KIRREL3: variants seen among roughly 807,000 people sequenced by gnomAD.
KIRREL3 encodes the protein kirre like nephrin family adhesion molecule 3.
A neutral mutation model predicts 89.7 loss-of-function variants in KIRREL3; 36 were observed. That is an observed-to-expected ratio of 0.40 (90% CI 0.31 to 0.53). The LOEUF is 0.53. Among genes scored for constraint, KIRREL3 ranks in the 20% least tolerant of loss-of-function variants. The probability of loss-of-function intolerance (pLI) is 0.49; values close to 1 mark genes in which losing one functional copy is unlikely to be tolerated. For synonymous variants in KIRREL3, 445 were observed against 441.4 expected (o/e 1.01, Z -0.10); for missense variants, 864 against 1,056.6 (o/e 0.82, Z 2.53).
At chr11:126,803,374 G>T (rs1951101652) in intron 1 of KIRREL3, among the ~76,000 whole-genome samples, 1 of 152,164 alleles carries the variant, frequency 6.6e-6, no homozygotes, top group Non-Finnish European at 1.5e-5. Flanking sequence ...AGCAAGGTAT[G>T]AGAGGTGCAT....
chr11:126,603,861 A>G (rs977922217), intron 1 of KIRREL3, among the ~76,000 whole-genome samples: 4 of 152,182 alleles, frequency 2.6e-5, no homozygotes, highest in African/African-American at 9.7e-5. Flanking sequence ...TCCCCGATAC[A>G]AGGCTTTTTA....
rs1949224184 is a variant in KIRREL3, at chr11:126,748,418, C to T, written c.56-185506G>A. 6.6e-6 allele frequency among the ~76,000 whole-genome samples: 1 copy of T among 152,192 alleles called. No homozygotes were observed. Among genetic ancestry groups the T allele is most frequent in the East Asian group, 1.9e-4 (1 of 5,198 alleles). ...CATCTGCAAAACCCCAGACTCAGGC[C>T]CCAAAAGGTTATTTCATCAATAATT... On this transcript the variant is annotated intron_variant, in intron 1 of 16. Transcript: ENST00000525144. This position sits in a 1 kb window ranked among gnomAD's most constrained non-coding sequence, Gnocchi z 4.6.
At chr11:126,633,620 A>G (rs1218141464) in intron 1 of KIRREL3, among the ~76,000 whole-genome samples, 1 of 152,152 alleles carries the variant, frequency 6.6e-6, no homozygotes, top group African/African-American at 2.4e-5. Context: ...AAGATTCCTG[A>G]AGCCCTCACC....
At chr11:126,472,904 G>C (rs1956938964) in intron 5 of KIRREL3, among the ~76,000 whole-genome samples, 1 of 149,766 alleles carries the variant, frequency 6.7e-6, no homozygotes, top group Non-Finnish European at 1.5e-5. Flanking sequence ...AGGGCAGCTG[G>C]TTCCCTCCCC....
In KIRREL3 at chr11:126,682,868, T is replaced by C. The variant is rs150198380; in HGVS notation, c.56-119956A>G. Among the ~76,000 whole-genome samples, 471 of 152,294 alleles carry C rather than the reference T, an allele frequency of 3.1e-3. 2 individuals are homozygous for C. Among genetic ancestry groups the C allele is most frequent in the Non-Finnish European group, 5.3e-3 (363 of 68,020 alleles). On this transcript the variant is annotated intron_variant, in intron 1 of 16. Transcript: ENST00000525144. This position sits in a 1 kb window ranked among gnomAD's most constrained non-coding sequence, Gnocchi z 4.8. ...AGGCTGAGGACCGGTACCCCGGGGC[T>C]GGGGATCCCTGTTCTATGAGGATAG...
At position 126,955,292 on chromosome 11, in the gene KIRREL3, G is replaced by T. The variant is rs1948889381; in HGVS notation, c.55+45163C>A. 6.6e-6 allele frequency among the ~76,000 whole-genome samples: 1 copy of T among 152,248 alleles called. No homozygotes were observed. Among genetic ancestry groups the T allele is most frequent in the African/African-American group, 2.4e-5 (1 of 41,472 alleles). On this transcript the variant is annotated intron_variant, in intron 1 of 16. Coordinates refer to ENST00000525144, the MANE Select transcript of KIRREL3 (RefSeq NM_032531.4). This position sits in a 1 kb window ranked among gnomAD's most constrained non-coding sequence, Gnocchi z 4.6. ...AGCAATGCTTTGAAAGCAATTGACA[G>T]AAAGCTGGCTTAATCCTTGTTCTGG...
chr11:126,998,201 A>T (rs1271389657), intron 1 of KIRREL3, among the ~76,000 whole-genome samples: 1 of 152,226 alleles, frequency 6.6e-6, no homozygotes, highest in South Asian at 2.1e-4. Flanking sequence ...CCTCTGGGGA[A>T]TTCATAATGC....
rs1946195598 is a variant in KIRREL3 at position 126,897,120 on chromosome 11, C to A, written c.55+103335G>T. Reference sequence around the variant, plus strand: ...TCATCTCACGAATACGGGCTACAAACAACTCCACAACTAAAGCAAACCCTT... The same window carrying A: ...TCATCTCACGAATACGGGCTACAAAAAACTCCACAACTAAAGCAAACCCTT... On this transcript the variant is annotated intron_variant, in intron 1 of 16. Transcript: ENST00000525144. The surrounding 1 kb of genome is among the most constrained non-coding windows in gnomAD (Gnocchi z 4.2). Among the ~76,000 whole-genome samples the A allele has an allele frequency of 1.3e-5, 2 of 152,094 alleles. No individual in the cohort carries two copies. The highest frequency in any genetic ancestry group is 1.3e-4 in the Admixed American group (2 of 15,282).
rs1003394231 is a variant in KIRREL3, at chr11:126,495,445, C to A, written c.434-21979G>T. ...TCTGCTTTCTCCCCAAAGCCTCCCT[C>A]GACTGTCTGTGTTCCTCGTCTCCGC... On this transcript the variant is annotated intron_variant, in intron 4 of 16. Coordinates refer to ENST00000525144, the MANE Select transcript of KIRREL3 (RefSeq NM_032531.4). This position sits in a 1 kb window ranked among gnomAD's most constrained non-coding sequence, Gnocchi z 6.5. Among the ~76,000 whole-genome samples, 17 of 152,124 alleles carry A rather than the reference C, an allele frequency of 1.1e-4. No individual in the cohort carries two copies. The highest frequency in any genetic ancestry group is 3.9e-4 in the African/African-American group (16 of 41,434).
At chr11:126,923,927 C>T (rs946619323) in intron 1 of KIRREL3, among the ~76,000 whole-genome samples, 1 of 152,094 alleles carries the variant, frequency 6.6e-6, no homozygotes, top group African/African-American at 2.4e-5. Flanking sequence ...ATTGGCTTTC[C>T]CCCCAAACCT....
chr11:126,595,480 T>C (rs1245264491), intron 1 of KIRREL3, among the ~76,000 whole-genome samples: 1 of 152,258 alleles, frequency 6.6e-6, no homozygotes, highest in Non-Finnish European at 1.5e-5. Flanking sequence ...GTCTTCCTCA[T>C]CCTAAACTTG....
intron 1 of KIRREL3, among the ~76,000 whole-genome samples, chr11:126,974,843 C>A (rs935264552): frequency 6.6e-6 from 1 of 152,106 alleles, no homozygotes; most frequent in African/African-American, 2.4e-5. Flanking sequence ...GTAGCTGGGA[C>A]TACAGGTGTG....
chr11:126,524,518 G>T (rs549519457), intron 3 of KIRREL3, among the ~76,000 whole-genome samples: 40 of 152,298 alleles, frequency 2.6e-4, no homozygotes, highest in African/African-American at 9.1e-4. Flanking sequence ...CCTCCGGATC[G>T]CTGTAGATTT....
intron 1 of KIRREL3, among the ~76,000 whole-genome samples, chr11:126,730,221 C>A (rs1357360954): frequency 6.6e-6 from 1 of 152,240 alleles, no homozygotes; most frequent in Non-Finnish European, 1.5e-5. Context: ...GAACCCACTG[C>A]CGACTAGCCC....
At chr11:126,572,977 A>G (rs1941049134) in intron 1 of KIRREL3, among the ~76,000 whole-genome samples, 1 of 152,082 alleles carries the variant, frequency 6.6e-6, no homozygotes, top group East Asian at 1.9e-4. Context: ...GTAGGGGGAG[A>G]TGTCTGCTCT....
At position 126,974,002 on chromosome 11, in the gene KIRREL3, G is replaced by C. The variant is rs544700033; in HGVS notation, c.55+26453C>G. On this transcript the variant is annotated intron_variant, in intron 1 of 16. Coordinates refer to ENST00000525144, the MANE Select transcript of KIRREL3 (RefSeq NM_032531.4). Reference sequence around the variant, plus strand: ...AAGACTAGGGCTCATGTTTTCTTTAGTTGTCCTGTGTGCTCCCTGAGGGCA... The same window carrying C: ...AAGACTAGGGCTCATGTTTTCTTTACTTGTCCTGTGTGCTCCCTGAGGGCA... Among the ~76,000 whole-genome samples, 4 of 152,216 alleles carry C rather than the reference G, an allele frequency of 2.6e-5. No homozygotes were observed. In the East Asian group the frequency reaches 7.7e-4, roughly 29 times the overall value.
chr11:126,903,452 C>T lies in KIRREL3; in HGVS notation c.55+97003G>A, dbSNP rs1016697383. The stretch of plus-strand genomic sequence containing the variant: ...TTGAGGAATTGAATAATTGAGGTTG[C>T]TAATGAATTTGAAAACTCAGCAAAG... On this transcript the variant is annotated intron_variant, in intron 1 of 16. Coordinates refer to ENST00000525144, the MANE Select transcript of KIRREL3 (RefSeq NM_032531.4). This position sits in a 1 kb window ranked among gnomAD's most constrained non-coding sequence, Gnocchi z 4.5. Among the ~76,000 whole-genome samples the T allele has an allele frequency of 6.6e-6, 1 of 152,212 alleles. No homozygotes were observed. Among genetic ancestry groups the T allele is most frequent in the African/African-American group, 2.4e-5 (1 of 41,454 alleles).
chr11:126,551,151 C>T lies in KIRREL3; in HGVS notation c.133+11684G>A, dbSNP rs149887977. Among the ~76,000 whole-genome samples the T allele has an allele frequency of 0.012, 1,828 of 152,298 alleles. 41 individuals carry two copies. Among genetic ancestry groups the T allele is most frequent in the African/African-American group, 0.041 (1,707 of 41,538 alleles). On this transcript the variant is annotated intron_variant, in intron 2 of 16. Transcript: ENST00000525144. The surrounding 1 kb of genome is among the most constrained non-coding windows in gnomAD (Gnocchi z 4.9). ...GGGGGAAGGGGCAGGAGCTTCCACG[C>T]CCTCCCTGAGTGCGCCACCCTCCAG...
At chr11:126,842,839 C>G (rs1464374689) in intron 1 of KIRREL3, among the ~76,000 whole-genome samples, 1 of 152,224 alleles carries the variant, frequency 6.6e-6, no homozygotes, top group Non-Finnish European at 1.5e-5. Context: ...AGACAGAACA[C>G]TGGGCCGACC....
Sources: gnomAD v4.1 joint callset for allele counts (sites outside exome capture counted in the v4.1 genomes callset) on GRCh38, gnomAD v4.1.1 for gene constraint, Gnocchi (gnomAD v3.1) non-coding constraint, MANE v1.5 for transcripts, NCBI Gene and HGNC (gene_info 2026-07-23, HGNC 2026-07-21) for gene names.